The following DLGAP2 variants were observed in gnomAD, a reference collection of about 807,000 sequenced individuals.
DLGAP2 encodes the protein disks large-associated protein 2.
A neutral mutation model predicts 100.3 loss-of-function variants in DLGAP2; 26 were observed. The ratio of observed to expected loss-of-function variants is 0.26; its 90% CI spans 0.19 to 0.36. The LOEUF is 0.36. Among genes scored for constraint, DLGAP2 ranks in the 10% least tolerant of loss-of-function variants. The pLI, the probability that DLGAP2 is intolerant of heterozygous loss-of-function variation, is 1.00. For synonymous variants in DLGAP2, 886 were observed against 630.1 expected (o/e 1.41, Z -6.08); for missense variants, 1,858 against 1,453.2 (o/e 1.28, Z -4.53).
intron 8 of DLGAP2, among the ~76,000 whole-genome samples, chr8:1,636,164 C>T (rs1365852476): frequency 6.6e-6 from 1 of 152,144 alleles, no homozygotes; most frequent in Admixed American, 6.5e-5. Context: ...CTTTACTTGT[C>T]CAAATATGCA....
chr8:1,110,383 G>A (rs1342278211), intron 2 of DLGAP2, among the ~76,000 whole-genome samples: 2 of 145,236 alleles, frequency 1.4e-5, no homozygotes, highest in Non-Finnish European at 3.0e-5. Flanking sequence ...TGTGCTTATG[G>A]AGTATGCTGG....
At chr8:1,485,226 C>CT (rs769779750) in intron 3 of DLGAP2, among the ~76,000 whole-genome samples, 4 of 152,172 alleles carry the variant, frequency 2.6e-5, no homozygotes, top group African/African-American at 9.7e-5. Flanking sequence ...TTATGATACG[C>CT]TTTTTTTGTA....
Position 1,308,085 on chromosome 8 carries a change from C to T in DLGAP2, c.106+49202C>T, listed in dbSNP as rs79193515. On this transcript the variant is annotated intron_variant, in intron 3 of 14. Transcript: ENST00000637795. ...GCTGTGCATACACCAGGTCAATGTGCGTGTTCAGAAAAGGCCTAGGAAGAC... is the reference window on the plus strand; with the variant it reads ...GCTGTGCATACACCAGGTCAATGTGTGTGTTCAGAAAAGGCCTAGGAAGAC... 7.4e-3 allele frequency among the ~76,000 whole-genome samples: 1,133 copies of T among 152,278 alleles called. 8 individuals are homozygous for T. The highest frequency in any genetic ancestry group is 0.025 in the African/African-American group (1,057 of 41,556).
intron 2 of DLGAP2, among the ~76,000 whole-genome samples, chr8:1,232,578 C>G (rs1427943639): frequency 6.6e-6 from 1 of 152,230 alleles, no homozygotes; most frequent in Non-Finnish European, 1.5e-5. Context: ...TTGGGAACGA[C>G]TTATCCTTTA....
At chr8:1,318,417 C>G (rs1433571385) in intron 3 of DLGAP2, among the ~76,000 whole-genome samples, 1 of 151,144 alleles carries the variant, frequency 6.6e-6, no homozygotes, top group Admixed American at 6.6e-5. Flanking sequence ...CTAGTTCACC[C>G]AGATTGTTAG....
At chr8:1,542,838 G>A (rs560672450) in intron 4 of DLGAP2, among the ~76,000 whole-genome samples, 138 of 152,218 alleles carry the variant, frequency 9.1e-4, no homozygotes, top group African/African-American at 3.1e-3. Flanking sequence ...CCCCAGCAGC[G>A]TGCGAGGTTC....
intron 2 of DLGAP2, among the ~76,000 whole-genome samples, chr8:1,036,263 C>T (rs1423072226): frequency 2.6e-5 from 4 of 152,210 alleles, no homozygotes; most frequent in African/African-American, 7.2e-5. Flanking sequence ...CCCGACCCCA[C>T]ATGTTCACGT....
chr8:1,582,850 G>A (rs549083197), intron 6 of DLGAP2, among the ~76,000 whole-genome samples: 7 of 152,036 alleles, frequency 4.6e-5, no homozygotes, highest in African/African-American at 7.2e-5. Context: ...CACCCTCCTC[G>A]GCTTCCTAAG....
chr8:1,312,901 C>T (rs1800645441), intron 3 of DLGAP2, among the ~76,000 whole-genome samples: 2 of 152,152 alleles, frequency 1.3e-5, no homozygotes, highest in Admixed American at 1.3e-4. Flanking sequence ...CAGGGAGCAC[C>T]ATGAAGCCCA....
intron 2 of DLGAP2, among the ~76,000 whole-genome samples, chr8:1,116,702 G>T (rs553341334): frequency 8.5e-5 from 13 of 152,232 alleles, no homozygotes; most frequent in African/African-American, 2.6e-4. Context: ...GAGGCTCTCA[G>T]AGGTGGAAGG....
chr8:1,384,166 T>C (rs1796159563), intron 3 of DLGAP2, among the ~76,000 whole-genome samples: 1 of 152,278 alleles, frequency 6.6e-6, no homozygotes, highest in Admixed American at 6.5e-5. Context: ...TGAAAGTTAC[T>C]GTGACCAAAG....
chr8:1,424,318 G>T (rs778258926), intron 3 of DLGAP2, among the ~76,000 whole-genome samples: 1 of 152,220 alleles, frequency 6.6e-6, no homozygotes, highest in Non-Finnish European at 1.5e-5. Flanking sequence ...TTATTAAGAC[G>T]TGCGTATCAA....
At chr8:1,349,826 C>G (rs1028186916) in intron 3 of DLGAP2, among the ~76,000 whole-genome samples, 1 of 152,250 alleles carries the variant, frequency 6.6e-6, no homozygotes, top group Non-Finnish European at 1.5e-5. Context: ...TTGAATTGCT[C>G]TAACAACTTT....
At chr8:1,659,053 T>C (rs1047111918) in intron 8 of DLGAP2, among the ~76,000 whole-genome samples, 1 of 152,226 alleles carries the variant, frequency 6.6e-6, no homozygotes, top group African/African-American at 2.4e-5. Flanking sequence ...AGCTAAAGCA[T>C]TGGTTTCAAA....
chr8:1,552,227 G>A (rs527657449), intron 5 of DLGAP2, among the ~76,000 whole-genome samples: 5 of 152,204 alleles, frequency 3.3e-5, no homozygotes, highest in Non-Finnish European at 7.3e-5. Context: ...AGCACTGCCC[G>A]GAGGATCGGA....
At chr8:757,243 C>T (rs1820944398) in intron 1 of DLGAP2, among the ~76,000 whole-genome samples, 1 of 152,158 alleles carries the variant, frequency 6.6e-6, no homozygotes, top group African/African-American at 2.4e-5. Flanking sequence ...CTTTTGGGTC[C>T]CTTTTAGCAG....
chr8:1,646,201 A>G (rs1798037323), intron 8 of DLGAP2, among the ~76,000 whole-genome samples: 1 of 152,102 alleles, frequency 6.6e-6, no homozygotes, highest in Admixed American at 6.6e-5. Context: ...GGAAGAAACA[A>G]AACAGCTGAC....
intron 13 of DLGAP2, 53 bp downstream of exon 13, chr8:1,691,679 C>T (rs1799264762): frequency 7.2e-7 from 1 of 1,388,294 alleles, no homozygotes; most frequent in Non-Finnish European, 1.0e-6. Flanking sequence ...TAATGGGCAT[C>T]ATTCCACAGA....
intron 1 of DLGAP2, among the ~76,000 whole-genome samples, chr8:826,007 ACTT>A (rs35522096): frequency 0.12 from 18,651 of 152,158 alleles, 1,283 homozygotes; most frequent in East Asian, 0.23. Context: ...TGGGAACCGT[ACTT>A]CTTCTCTATT....
Sources: gnomAD v4.1 joint callset for allele counts (sites outside exome capture counted in the v4.1 genomes callset) on GRCh38, gnomAD v4.1.1 for gene constraint, MANE v1.5 for transcripts, NCBI Gene and HGNC (gene_info 2026-07-23, HGNC 2026-07-21) for gene names.